Variants in RIMS2 observed in about 807,000 individuals in gnomAD.
RIMS2 encodes regulating synaptic membrane exocytosis 2.
RIMS2 carries 59 observed loss-of-function variants against 174.4 expected under a neutral mutation model. The observed-to-expected ratio is 0.34, with a 90% CI of 0.27 to 0.42. RIMS2 has a LOEUF of 0.42. Among genes scored for constraint, RIMS2 ranks in the 10% least tolerant of loss-of-function variants. RIMS2 has a pLI of 1.00. For missense variants in RIMS2, 1,620 were observed against 1,666.3 expected (o/e 0.97, Z 0.48); for synonymous variants, 606 against 572.5 (o/e 1.06, Z -0.84).
At chr8:103,791,593 G>A (rs937248857) in intron 3 of RIMS2, among the ~76,000 whole-genome samples, 8 of 151,982 alleles carry the variant, frequency 5.3e-5, no homozygotes, top group African/African-American at 1.7e-4. Context: ...ATATAAATGG[G>A]CTAAATGCTC....
chr8:103,559,932 C>T (rs2091310236), intron 1 of RIMS2, among the ~76,000 whole-genome samples: 1 of 152,196 alleles, frequency 6.6e-6, no homozygotes, highest in African/African-American at 2.4e-5. Flanking sequence ...ATTATACCTA[C>T]ACATGCAGTG....
chr8:104,125,803 T>G (rs1431495110), intron 19 of RIMS2, among the ~76,000 whole-genome samples: 7 of 152,256 alleles, frequency 4.6e-5, no homozygotes, highest in Admixed American at 3.9e-4. Flanking sequence ...TTTCAAAAGG[T>G]CACACATATT....
intron 19 of RIMS2, among the ~76,000 whole-genome samples, chr8:104,090,057 C>T (rs928307106): frequency 5.5e-5 from 8 of 144,204 alleles, no homozygotes; most frequent in Admixed American, 1.4e-4. Flanking sequence ...TACACATGCA[C>T]ATATATATAT....
chr8:103,657,733 A>G (rs13273311), intron 1 of RIMS2, among the ~76,000 whole-genome samples: 17,674 of 152,206 alleles, frequency 0.12, 1,373 homozygotes, highest in Non-Finnish European at 0.17. Flanking sequence ...TTCTTTATGA[A>G]AATGAAGGAT....
chr8:103,536,912 A>G (rs962130840), intron 1 of RIMS2, among the ~76,000 whole-genome samples: 11 of 152,366 alleles, frequency 7.2e-5, no homozygotes, highest in African/African-American at 2.4e-4. Context: ...GACAAGAACT[A>G]TAACAAAGGA....
chr8:104,049,447 C>A (rs954404683), intron 19 of RIMS2, among the ~76,000 whole-genome samples: 8 of 151,792 alleles, frequency 5.3e-5, no homozygotes, highest in Admixed American at 1.3e-4. Context: ...AACAAACAAA[C>A]AAAAAAACCC....
At chr8:104,018,325 A>G (rs1389009017) in intron 19 of RIMS2, among the ~76,000 whole-genome samples, 1 of 152,246 alleles carries the variant, frequency 6.6e-6, no homozygotes, top group Non-Finnish European at 1.5e-5. Context: ...GTTTTCAAAT[A>G]TGACTTTACA....
chr8:103,772,783 T>C (rs1376758924), intron 3 of RIMS2, among the ~76,000 whole-genome samples: 1 of 152,126 alleles, frequency 6.6e-6, no homozygotes, highest in Non-Finnish European at 1.5e-5. Flanking sequence ...ATGGAGAGTC[T>C]ATATATAAAG....
At chr8:104,035,488 A>G (rs1370761354) in intron 19 of RIMS2, among the ~76,000 whole-genome samples, 6 of 151,606 alleles carry the variant, frequency 4.0e-5, no homozygotes, top group African/African-American at 2.4e-5. Context: ...TATGGAATAT[A>G]TAAGTATAGT....
At chr8:103,824,344 G>T (rs1179021568) in intron 3 of RIMS2, among the ~76,000 whole-genome samples, 1 of 152,042 alleles carries the variant, frequency 6.6e-6, no homozygotes, top group Admixed American at 6.6e-5. Flanking sequence ...ATAGTAAAAT[G>T]AATTCATTTC....
At chr8:104,216,737 G>C (rs2099131644) in intron 19 of RIMS2, among the ~76,000 whole-genome samples, 1 of 152,214 alleles carries the variant, frequency 6.6e-6, no homozygotes, top group Non-Finnish European at 1.5e-5. Flanking sequence ...TGGGATGTAA[G>C]TGTTAGCCAC....
At chr8:103,780,680 A>T (rs2098378695) in intron 3 of RIMS2, among the ~76,000 whole-genome samples, 1 of 151,726 alleles carries the variant, frequency 6.6e-6, no homozygotes, top group South Asian at 2.1e-4. Context: ...TTTCCTTAAA[A>T]CTGCTATTTT....
At chr8:103,771,497 T>C (rs2098253026) in intron 3 of RIMS2, among the ~76,000 whole-genome samples, 1 of 152,164 alleles carries the variant, frequency 6.6e-6, no homozygotes, top group Non-Finnish European at 1.5e-5. Flanking sequence ...TTTAGAGAAG[T>C]TAAAAAGTAA....
intron 19 of RIMS2, among the ~76,000 whole-genome samples, chr8:104,109,473 A>C (rs568706134): frequency 9.3e-5 from 14 of 149,960 alleles, no homozygotes; most frequent in African/African-American, 3.3e-4. Flanking sequence ...CTCTCTTCAC[A>C]TACTGGGGAT....
chr8:104,132,392 T>C (rs1177706120), intron 19 of RIMS2, among the ~76,000 whole-genome samples: 1 of 152,190 alleles, frequency 6.6e-6, no homozygotes, highest in Non-Finnish European at 1.5e-5. Context: ...TCAGGGTATA[T>C]GCTGTATATG....
intron 17 of RIMS2, among the ~76,000 whole-genome samples, chr8:103,997,275 A>T (rs2095164002): frequency 6.6e-6 from 1 of 151,792 alleles, no homozygotes; most frequent in African/African-American, 2.4e-5. Flanking sequence ...GGGAATAATA[A>T]ATGAAGCAAG....
chr8:103,577,431 A>G (rs1015388499), intron 1 of RIMS2, among the ~76,000 whole-genome samples: 2 of 152,164 alleles, frequency 1.3e-5, no homozygotes, highest in Admixed American at 1.3e-4. Context: ...ACACATGGAC[A>G]CAGGGAGGGG....
intron 6 of RIMS2, among the ~76,000 whole-genome samples, chr8:103,914,901 T>A (rs2076370330): frequency 6.6e-6 from 1 of 152,132 alleles, no homozygotes; most frequent in African/African-American, 2.4e-5. Context: ...CTAACATTTT[T>A]ATTCATTTTC....
Position 104,004,509 on chromosome 8 carries a change from T to TGAGGGGG in RIMS2, c.3045-8930_3045-8924dup, listed in dbSNP as rs1279978441. On this transcript the variant is annotated intron_variant, in intron 17 of 23. Transcript: ENST00000504942. ...AGCTGGGGTAATTTTAGAAGGATGG[T>TGAGGGGG]GAGGGGGGAAAAAACAGGTTGCAGT... 6.2e-5 allele frequency among the ~76,000 whole-genome samples: 9 copies of TGAGGGGG among 145,344 alleles called. No individual in the cohort carries two copies. In the East Asian group the frequency reaches 1.7e-3, roughly 28 times the overall value.
Sources: allele counts gnomAD v4.1 joint callset (sites outside exome capture counted in the v4.1 genomes callset), GRCh38; gene constraint gnomAD v4.1.1; transcripts MANE v1.5; gene names NCBI Gene and HGNC (gene_info 2026-07-23, HGNC 2026-07-21).